The following TTC6 variants were observed in gnomAD, a reference collection of about 807,000 sequenced individuals.
TTC6 encodes the protein tetratricopeptide repeat domain 6.
TTC6 carries 172 observed loss-of-function variants against 210.4 expected under a neutral mutation model. The ratio of observed to expected loss-of-function variants is 0.82; its 90% CI spans 0.72 to 0.93. The LOEUF (loss-of-function observed/expected upper bound fraction) is 0.93. Among genes scored for constraint, TTC6 ranks in the 40% least tolerant of loss-of-function variants. TTC6 has a pLI of 0.00. For synonymous variants in TTC6, 804 were observed against 819.6 expected, an observed-to-expected ratio of 0.98 and a Z score of 0.32; for missense variants, 2,414 against 2,318.1, an observed-to-expected ratio of 1.04 and a Z score of -0.85.
intron 2 of TTC6, among the ~76,000 whole-genome samples, chr14:37,613,260 A>C (rs1425822450): frequency 6.6e-6 from 1 of 152,128 alleles, no homozygotes; most frequent in African/African-American, 2.4e-5. Flanking sequence ...CTGTTAATAT[A>C]GTGAATTATA....
At chr14:37,663,325 A>G (rs1324719265) in intron 1 of TTC6, among the ~76,000 whole-genome samples, 1 of 152,098 alleles carries the variant, frequency 6.6e-6, no homozygotes, top group Admixed American at 6.6e-5. Context: ...TTCTAGATAT[A>G]CTGAAAAAGT....
chr14:37,640,019 AC>A (rs2095688828), intron 1 of TTC6, among the ~76,000 whole-genome samples: 1 of 151,666 alleles, frequency 6.6e-6, no homozygotes, highest in African/African-American at 2.4e-5. Context: ...TAAGGAAAAT[AC>A]CTATTTCTTT....
At position 37,809,884 on chromosome 14, in the gene TTC6, C is replaced by T. The variant is rs144363564; in HGVS notation, c.4569+1038C>T. 2.4e-3 allele frequency among the ~76,000 whole-genome samples: 367 copies of T among 152,282 alleles called. 1 individual carries two copies. Among genetic ancestry groups the T allele is most frequent in the African/African-American group, 8.4e-3 (348 of 41,556 alleles). On this transcript the variant is annotated intron_variant, in intron 24 of 30. Transcript: ENST00000553443. ...CGGTCTTTCAGTGTAGTGTCCCATCCTCTTTCTCTGTTACTTGTCTCACTC... is the reference window on the plus strand; with the variant it reads ...CGGTCTTTCAGTGTAGTGTCCCATCTTCTTTCTCTGTTACTTGTCTCACTC...
Position 37,807,466 on chromosome 14 carries a change from G to A in TTC6, c.4455+6G>A, listed in dbSNP as rs546599383. On this transcript the variant is annotated splice_donor_region_variant and intron_variant, in intron 23 of 30. Coordinates refer to ENST00000553443, the Ensembl canonical transcript of TTC6. ...TTCTGAAATACTACAACAAGGTAGGGCCATTTCCTGCCTGGTTTACCGAAA... is the reference window on the plus strand; with the variant it reads ...TTCTGAAATACTACAACAAGGTAGGACCATTTCCTGCCTGGTTTACCGAAA... 2.0e-6 allele frequency: 3 copies of A among 1,469,410 alleles called. No individual in the cohort carries two copies. Among genetic ancestry groups the A allele is most frequent in the South Asian group, 1.4e-5 (1 of 74,028 alleles). 91.0% of individuals were successfully genotyped at this position (1,469,410 alleles called of 1,614,324 possible). A position where few individuals can be genotyped will look rare whatever the true frequency, so the allele number is the denominator to read the frequency against.
At chr14:37,745,660 A>G (rs1197166424) in intron 10 of TTC6, among the ~76,000 whole-genome samples, 2 of 152,182 alleles carry the variant, frequency 1.3e-5, no homozygotes, top group Non-Finnish European at 2.9e-5. Flanking sequence ...GACTTTCATA[A>G]TTCTTTAATT....
intron 1 of TTC6, among the ~76,000 whole-genome samples, chr14:37,644,630 T>A (rs1294036739): frequency 6.6e-6 from 1 of 152,240 alleles, no homozygotes; most frequent in Non-Finnish European, 1.5e-5. Context: ...TGACATGGTC[T>A]CTATGGCGAT....
chr14:37,675,718 A>C (rs2095767625), intron 1 of TTC6, among the ~76,000 whole-genome samples: 1 of 150,770 alleles, frequency 6.6e-6, no homozygotes, highest in South Asian at 2.1e-4. Context: ...GTTTCTCTGC[A>C]TCCTAGTCAA....
At chr14:37,687,627 T>C (rs1420605592) in intron 3 of TTC6, among the ~76,000 whole-genome samples, 1 of 152,066 alleles carries the variant, frequency 6.6e-6, no homozygotes, top group Non-Finnish European at 1.5e-5. Context: ...TTGTTTTGCG[T>C]CTTACATACC....
chr14:37,806,314 A>G (rs2096118470), intron 21 of TTC6, 47 bp from the exon 24 acceptor site: 2 of 1,488,712 alleles, frequency 1.3e-6, no homozygotes, highest in African/African-American at 1.4e-5. Context: ...TTAAAACAAT[A>G]TATTATATCA....
At chr14:37,775,645 A>G (rs111518256) in intron 14 of TTC6, among the ~76,000 whole-genome samples, 4 of 152,210 alleles carry the variant, frequency 2.6e-5, no homozygotes, top group African/African-American at 9.6e-5. Context: ...TATTTGGTCA[A>G]ATGTCAGGTT....
chr14:37,732,521 A>G (rs2095889865), intron 7 of TTC6, among the ~76,000 whole-genome samples: 3 of 151,630 alleles, frequency 2.0e-5, no homozygotes, highest in South Asian at 4.1e-4. Flanking sequence ...AGCTAGAAAA[A>G]AGAAAATGGT....
At chr14:37,774,161 C>T (rs1282326439) in intron 14 of TTC6, among the ~76,000 whole-genome samples, 1 of 152,088 alleles carries the variant, frequency 6.6e-6, no homozygotes, top group Admixed American at 6.6e-5. Flanking sequence ...AAATTTTGGG[C>T]AGAAACTATG....
At chr14:37,681,922 G>A (rs1033258289) in intron 2 of TTC6, among the ~76,000 whole-genome samples, 1 of 152,142 alleles carries the variant, frequency 6.6e-6, no homozygotes, top group Non-Finnish European at 1.5e-5. Flanking sequence ...ATATTCAAAT[G>A]TCCCCCACCC....
chr14:37,609,980 T>C (rs752236827), intron 2 of TTC6, among the ~76,000 whole-genome samples: 3 of 152,194 alleles, frequency 2.0e-5, no homozygotes, highest in Non-Finnish European at 4.4e-5. Context: ...ATGCTTCTCA[T>C]CTTGAGAGCA....
At chr14:37,736,063 T>TC in intron 8 of TTC6, 53 bp downstream of exon 10, 1 of 917,226 alleles carries the variant, frequency 1.1e-6, no homozygotes, top group Non-Finnish European at 1.7e-6. Flanking sequence ...CTGCCTACAG[T>TC]CCAGATATTA....
intron 2 of TTC6, 92 bp downstream of exon 2, chr14:37,606,834 C>T: frequency 2.1e-6 from 2 of 949,666 alleles, no homozygotes; most frequent in Non-Finnish European, 2.5e-6. Flanking sequence ...GGAGTACAGC[C>T]ATGAAGGCTC....
At chr14:37,637,269 C>G (rs574868242) in intron 1 of TTC6, among the ~76,000 whole-genome samples, 1 of 152,290 alleles carries the variant, frequency 6.6e-6, no homozygotes, top group South Asian at 2.1e-4. Flanking sequence ...AGTCCTTAGA[C>G]TTGACACCAA....
At chr14:37,674,306 C>A (rs546545839) in intron 1 of TTC6, among the ~76,000 whole-genome samples, 1 of 152,104 alleles carries the variant, frequency 6.6e-6, no homozygotes, top group African/African-American at 2.4e-5. Flanking sequence ...ATTATAGTAG[C>A]CTCTTCAAGT....
chr14:37,737,431 T>A (rs76552998), intron 8 of TTC6, among the ~76,000 whole-genome samples: 12 of 24,828 alleles, frequency 4.8e-4, no homozygotes, highest in Admixed American at 2.8e-3. Context: ...GTTGAATTTT[T>A]TAAAAAAACA....
Sources: allele counts gnomAD v4.1 joint callset (sites outside exome capture counted in the v4.1 genomes callset), GRCh38; gene constraint gnomAD v4.1.1; transcripts MANE v1.5; gene names NCBI Gene and HGNC (gene_info 2026-07-23, HGNC 2026-07-21).